GXYLT2: variants seen among roughly 807,000 people sequenced by gnomAD.
GXYLT2 encodes glucoside xylosyltransferase 2.
Under a neutral mutation model 45.8 loss-of-function variants are expected in GXYLT2, and 53 were observed. The observed-to-expected ratio is 1.16, with a 90% confidence interval of 0.93 to 1.46. GXYLT2 has a LOEUF of 1.46. GXYLT2 is among the 40% of genes most tolerant of loss of function. GXYLT2 has a pLI of 0.00. For missense variants in GXYLT2, 551 were observed against 544.4 expected (o/e 1.01, Z -0.12); for synonymous variants, 219 against 214.2 (o/e 1.02, Z -0.19).
intron 4 of GXYLT2, 72 bp from the exon 5 acceptor site, chr3:72,957,157 T>C: frequency 6.8e-7 from 1 of 1,476,310 alleles, no homozygotes; most frequent in Non-Finnish European, 9.1e-7. Context: ...AACTAGTCCC[T>C]TTACATTGTT....
intron 5 of GXYLT2, among the ~76,000 whole-genome samples, chr3:72,959,761 A>G (rs976412477): frequency 5.3e-5 from 8 of 151,572 alleles, no homozygotes; most frequent in African/African-American, 1.9e-4. Context: ...CAGCCTCCCA[A>G]GTAGCTGGGA....
chr3:72,892,525 T>A (rs946770137), intron 1 of GXYLT2, among the ~76,000 whole-genome samples: 6 of 152,108 alleles, frequency 3.9e-5, no homozygotes, highest in African/African-American at 1.5e-4. Context: ...ATGGAGTTGC[T>A]GCCCTCCCAG....
chr3:72,917,805 A>G (rs1017971249), intron 2 of GXYLT2, among the ~76,000 whole-genome samples: 3 of 152,030 alleles, frequency 2.0e-5, no homozygotes, highest in Non-Finnish European at 4.4e-5. Flanking sequence ...ATATATGTAC[A>G]TTGTAAAAAC....
At chr3:72,941,939 G>A (rs1710309619) in intron 3 of GXYLT2, among the ~76,000 whole-genome samples, 1 of 152,134 alleles carries the variant, frequency 6.6e-6, no homozygotes, top group Non-Finnish European at 1.5e-5. Flanking sequence ...CTAGATATTG[G>A]TTTCTGAATT....
At chr3:72,968,153 T>C (rs1189516257) in intron 6 of GXYLT2, among the ~76,000 whole-genome samples, 1 of 152,178 alleles carries the variant, frequency 6.6e-6, no homozygotes, top group Non-Finnish European at 1.5e-5. Flanking sequence ...TTTGTATTTT[T>C]AGTAGAGATG....
chr3:72,893,594 CA>C (rs1295797935), intron 1 of GXYLT2, among the ~76,000 whole-genome samples: 2 of 152,170 alleles, frequency 1.3e-5, no homozygotes, highest in African/African-American at 2.4e-5. Flanking sequence ...ACTCCTAAAA[CA>C]GAGATAGATG....
At chr3:72,923,217 T>C (rs1709860645) in intron 3 of GXYLT2, among the ~76,000 whole-genome samples, 1 of 151,910 alleles carries the variant, frequency 6.6e-6, no homozygotes, top group Admixed American at 6.6e-5. Context: ...ATCACGCCAC[T>C]GCACTCCAGC....
chr3:72,955,425 A>G, intron 4 of GXYLT2, 76 bp downstream of exon 4: 1 of 1,477,304 alleles, frequency 6.8e-7, no homozygotes, highest in Middle Eastern at 2.0e-4. Context: ...CCAGAGTGTC[A>G]ATATGCTGAT....
At chr3:72,895,940 A>C (rs1054091262) in intron 1 of GXYLT2, among the ~76,000 whole-genome samples, 8 of 152,238 alleles carry the variant, frequency 5.3e-5, no homozygotes, top group Non-Finnish European at 4.4e-5. Flanking sequence ...AAGACAATAG[A>C]GAATACATAA....
intron 2 of GXYLT2, among the ~76,000 whole-genome samples, chr3:72,917,134 T>C (rs1709757644): frequency 6.6e-6 from 1 of 151,994 alleles, no homozygotes; most frequent in Admixed American, 6.6e-5. Context: ...TGAGACAGGG[T>C]CTCACATTGT....
intron 1 of GXYLT2, among the ~76,000 whole-genome samples, chr3:72,892,585 C>A (rs1379366728): frequency 2.0e-5 from 3 of 152,178 alleles, no homozygotes; most frequent in African/African-American, 7.2e-5. Flanking sequence ...TTGGCAGCCT[C>A]CCCAGCTGCT....
intron 3 of GXYLT2, among the ~76,000 whole-genome samples, chr3:72,939,749 G>C (rs9872201): frequency 0.77 from 116,509 of 150,604 alleles, 45,545 homozygotes; most frequent in African/African-American, 0.89. Context: ...GGTGCTATCA[G>C]AGCTCACTGC....
intron 1 of GXYLT2, 76 bp from the exon 2 acceptor site, chr3:72,908,291 A>C: frequency 2.8e-5 from 26 of 923,212 alleles, no homozygotes; most frequent in Non-Finnish European, 4.1e-5. Flanking sequence ...TGTTCTAACC[A>C]TTCACTCGCC....
chr3:72,936,380 A>G (rs953545665), intron 3 of GXYLT2, among the ~76,000 whole-genome samples: 7 of 150,912 alleles, frequency 4.6e-5, no homozygotes, highest in Non-Finnish European at 8.9e-5. Flanking sequence ...ACTGGCCAGC[A>G]CAGTGGCTCA....
At position 72,943,533 on chromosome 3, in the gene GXYLT2, C is replaced by T. The variant is rs1303853112; in HGVS notation, c.601-11565C>T. On this transcript the variant is annotated intron_variant, in intron 3 of 6. Transcript: ENST00000389617. Reference sequence around the variant, plus strand: ...CTGGGACCACAGGCACGCCCCACCACGCCTGGCTAACTTTTTATTTTTTTG... The same window carrying T: ...CTGGGACCACAGGCACGCCCCACCATGCCTGGCTAACTTTTTATTTTTTTG... Among the ~76,000 whole-genome samples, 4 of 150,974 alleles carry T rather than the reference C, an allele frequency of 2.6e-5. No homozygotes were observed. The East Asian group carries it at 5.9e-4, about 22-fold the overall frequency.
Position 72,915,368 on chromosome 3 carries a change from G to C in GXYLT2, c.468+6809G>C, listed in dbSNP as rs1405645952. Among the ~76,000 whole-genome samples the C allele has an allele frequency of 2.7e-3, 292 of 107,146 alleles. 14 individuals are homozygous for C. Among genetic ancestry groups the C allele is most frequent in the African/African-American group, 0.013 (278 of 22,160 alleles). The allele number at this position is 107,146 out of a possible 152,430, so 70.3% of individuals were successfully genotyped here. A position where few individuals can be genotyped will look rare whatever the true frequency, so the allele number is the denominator to read the frequency against. On this transcript the variant is annotated intron_variant, in intron 2 of 6. Transcript: ENST00000389617. The stretch of plus-strand genomic sequence containing the variant: ...TTTTTTTTTTTTGCGGGGGGGGGGG[G>C]GATTTAGGAAAAATAGCCCATAGAA...
At chr3:72,909,105 G>T (rs188704352) in intron 2 of GXYLT2, among the ~76,000 whole-genome samples, 238 of 114,926 alleles carry the variant, frequency 2.1e-3, no homozygotes, top group Admixed American at 3.0e-3. Flanking sequence ...GGCTCACTCT[G>T]TTGCCCAGGC....
chr3:72,922,448 A>T (rs1358446672), intron 3 of GXYLT2, 113 bp downstream of exon 3: 1 of 1,052,886 alleles, frequency 9.5e-7, no homozygotes, highest in African/African-American at 1.6e-5. Context: ...TGTCTCTTGG[A>T]TTCTGGAGCT....
chr3:72,908,588 T>TTTAAGTGA, intron 2 of GXYLT2, 29 bp downstream of exon 2: 1 of 1,552,910 alleles, frequency 6.4e-7, no homozygotes, highest in Admixed American at 1.7e-5. Context: ...TGGCACAGTG[T>TTTAAGTGA]TTACTAAGTA....
Sources: gnomAD v4.1 joint callset for allele counts (sites outside exome capture counted in the v4.1 genomes callset) on GRCh38, gnomAD v4.1.1 for gene constraint, MANE v1.5 for transcripts, NCBI Gene and HGNC (gene_info 2026-07-23, HGNC 2026-07-21) for gene names.